The following ANO6 variants were observed in gnomAD, a reference collection of about 807,000 sequenced individuals.
The protein encoded by ANO6 is anoctamin-6.
In ANO6, 106 loss-of-function variants were observed where a neutral mutation model predicts 117.5. That is an observed-to-expected ratio of 0.90 (90% CI 0.77 to 1.06). The LOEUF (loss-of-function observed/expected upper bound fraction) is 1.06, where lower values mean the gene tolerates loss of function less well. Among genes scored for constraint, ANO6 ranks in the 50% least tolerant of loss-of-function variants. The pLI is 0.00. For missense variants in ANO6, 955 were observed against 1,121.1 expected, an observed-to-expected ratio of 0.85 and a Z score of 2.12; for synonymous variants, 367 against 385.1, an observed-to-expected ratio of 0.95 and a Z score of 0.55.
intron 15 of ANO6, among the ~76,000 whole-genome samples, chr12:45,408,680 G>C (rs546834344): frequency 6.6e-6 from 1 of 152,122 alleles, no homozygotes; most frequent in East Asian, 1.9e-4. Context: ...TTTCCTACTT[G>C]GTGCCCTCCA....
At chr12:45,225,679 C>T (rs375172672) in intron 1 of ANO6, among the ~76,000 whole-genome samples, 1 of 152,022 alleles carries the variant, frequency 6.6e-6, no homozygotes, top group Admixed American at 6.6e-5. Context: ...TTAGTAGAGA[C>T]GGGGTTTCAC....
chr12:45,438,217 T>C (rs1943729872), intron 19 of ANO6, among the ~76,000 whole-genome samples: 1 of 152,078 alleles, frequency 6.6e-6, no homozygotes, highest in Non-Finnish European at 1.5e-5. Context: ...GTTTCTTTTG[T>C]GTATCCTGCC....
intron 8 of ANO6, among the ~76,000 whole-genome samples, chr12:45,358,722 T>C (rs1296421372): frequency 6.6e-6 from 1 of 152,168 alleles, no homozygotes; most frequent in Non-Finnish European, 1.5e-5. Context: ...ATCTAAATTA[T>C]AAATATTTTC....
chr12:45,434,362 C>T (rs1943684002), downstream of ANO6, among the ~76,000 whole-genome samples: 1 of 152,186 alleles, frequency 6.6e-6, no homozygotes, highest in African/African-American at 2.4e-5. Flanking sequence ...ACAGAACATG[C>T]TACAGCCCTG....
downstream of ANO6, among the ~76,000 whole-genome samples, chr12:45,436,390 T>A (rs1943707086): frequency 6.6e-6 from 1 of 152,150 alleles, no homozygotes; most frequent in Non-Finnish European, 1.5e-5. Flanking sequence ...ATTTGGCTGA[T>A]CTTTATTTCC....
chr12:45,255,818 G>GTTTTTTTTTTTTTTTTTTTTTTTTTTTTT (rs551517877), intron 1 of ANO6, among the ~76,000 whole-genome samples: 3 of 81,712 alleles, frequency 3.7e-5, no homozygotes, highest in African/African-American at 1.4e-4. Flanking sequence ...CTCCCTGGGT[G>GTTTTTTTTTTTTTTTTTTTTTTTTTTTTT]TTTTTTTTTT....
At chr12:45,279,445 AG>A (rs1938653881) in intron 1 of ANO6, among the ~76,000 whole-genome samples, 1 of 152,110 alleles carries the variant, frequency 6.6e-6, no homozygotes, top group Non-Finnish European at 1.5e-5. Flanking sequence ...GTACTTGAGG[AG>A]GGGGCAGAGC....
At chr12:45,257,533 C>T (rs890153398) in intron 1 of ANO6, among the ~76,000 whole-genome samples, 2 of 152,202 alleles carry the variant, frequency 1.3e-5, no homozygotes, top group Non-Finnish European at 2.9e-5. Flanking sequence ...ATTTCACCCA[C>T]TCTCCCTGAC....
chr12:45,257,111 A>G (rs1937861482), intron 1 of ANO6, among the ~76,000 whole-genome samples: 1 of 152,124 alleles, frequency 6.6e-6, no homozygotes, highest in Non-Finnish European at 1.5e-5. Context: ...GGGTTATTAT[A>G]ACTTCTATTG....
chr12:45,421,261 A>G lies in ANO6; in HGVS notation c.2408A>G (p.His803Arg), dbSNP rs1220662017. The G allele has an allele frequency of 1.9e-6, 3 of 1,614,018 alleles. No individual in the cohort carries two copies. Among genetic ancestry groups the G allele is most frequent in the Non-Finnish European group, 2.5e-6 (3 of 1,179,982 alleles). Reference sequence around the variant, plus strand: ...AACCCGTACTCTGACCTGGGTAACCATACCACATGCAGGCAAGTTCTGCTT... The same window carrying G: ...AACCCGTACTCTGACCTGGGTAACCGTACCACATGCAGGCAAGTTCTGCTT... ...KGNPYSDLGNHTTCRYRDFRY... is the reference protein window; with the variant it reads ...KGNPYSDLGNRTTCRYRDFRY... The change falls in exon 18 of 20, where the codon CAT becomes CGT. Residue 803 changes from histidine to arginine, a missense_variant. Physicochemically the swap from His to Arg is conservative, Grantham distance 29. Transcript: ENST00000320560.
chr12:45,420,728 C>T lies in ANO6; in HGVS notation c.2218-343C>T, dbSNP rs752989540. On this transcript the variant is annotated intron_variant, in intron 17 of 19. Transcript: ENST00000320560. ...ACCTGACCTATACAAACTATAACTT[C>T]GGCCAGGTGCAGTGGCTCACGCCTG... 8.7e-4 allele frequency among the ~76,000 whole-genome samples: 133 copies of T among 152,070 alleles called. 2 individuals are homozygous for T. The highest frequency in any genetic ancestry group is 6.9e-4 in the Non-Finnish European group (47 of 68,006).
At chr12:45,263,919 T>G (rs1938130385) in intron 1 of ANO6, among the ~76,000 whole-genome samples, 1 of 152,186 alleles carries the variant, frequency 6.6e-6, no homozygotes, top group Non-Finnish European at 1.5e-5. Flanking sequence ...GTAGCCTATT[T>G]TTTCCCCTTT....
rs571630466 is a variant in ANO6 at position 45,362,890 on chromosome 12, A to G, written c.999-4798A>G. 9.2e-5 allele frequency among the ~76,000 whole-genome samples: 14 copies of G among 152,296 alleles called. No individual in the cohort carries two copies. In the South Asian group the frequency reaches 2.7e-3, roughly 29 times the overall value. On this transcript the variant is annotated intron_variant, in intron 8 of 19. Coordinates refer to ENST00000320560, the MANE Select transcript of ANO6 (RefSeq NM_001025356.3). The stretch of plus-strand genomic sequence containing the variant: ...GCATTATAAGCTTACCAACAGTTTC[A>G]TAATTGTTGCTTTGTGTCTTTTAAA...
chr12:45,295,651 T>G (rs1939266790), intron 1 of ANO6, among the ~76,000 whole-genome samples: 1 of 152,024 alleles, frequency 6.6e-6, no homozygotes, highest in Non-Finnish European at 1.5e-5. Context: ...AACCTCTGCT[T>G]CCTGGGTCAA....
chr12:45,360,575 C>G (rs921743887), intron 8 of ANO6, among the ~76,000 whole-genome samples: 3 of 152,162 alleles, frequency 2.0e-5, no homozygotes, highest in African/African-American at 4.8e-5. Context: ...TTTTCACTTT[C>G]CTAATAGCAT....
At chr12:45,314,095 C>T (rs1939936330) in intron 2 of ANO6, among the ~76,000 whole-genome samples, 1 of 151,942 alleles carries the variant, frequency 6.6e-6, no homozygotes. Flanking sequence ...GCAGTGTGTA[C>T]TGTTTAATGA....
intron 12 of ANO6, among the ~76,000 whole-genome samples, chr12:45,391,348 A>C (rs1399998986): frequency 6.6e-6 from 1 of 152,212 alleles, no homozygotes; most frequent in East Asian, 1.9e-4. Flanking sequence ...TGTGAGTTTT[A>C]ATGGCTCAAG....
intron 9 of ANO6, among the ~76,000 whole-genome samples, chr12:45,377,440 T>C (rs1030021732): frequency 2.0e-5 from 3 of 152,210 alleles, no homozygotes; most frequent in African/African-American, 7.2e-5. Flanking sequence ...GTATTCATTG[T>C]AATGTTAGCA....
At chr12:45,407,346 G>A (rs1240685960) in intron 15 of ANO6, among the ~76,000 whole-genome samples, 1 of 152,174 alleles carries the variant, frequency 6.6e-6, no homozygotes, top group African/African-American at 2.4e-5. Flanking sequence ...GCATGGAAAG[G>A]ATTCAGCAAG....
Sources: gnomAD v4.1 joint callset for allele counts (sites outside exome capture counted in the v4.1 genomes callset) on GRCh38, gnomAD v4.1.1 for gene constraint, MANE v1.5 for transcripts, NCBI Gene and HGNC (gene_info 2026-07-23, HGNC 2026-07-21) for gene names.